Variants in CCSER1 observed in about 807,000 individuals in gnomAD.
CCSER1 encodes serine-rich coiled-coil domain-containing protein 1.
A neutral mutation model predicts 82.0 loss-of-function variants in CCSER1; 41 were observed. That is an observed-to-expected ratio of 0.50 (90% CI 0.39 to 0.65). CCSER1 has a LOEUF of 0.65. Among genes scored for constraint, CCSER1 ranks in the 30% least tolerant of loss-of-function variants. The pLI is 0.00. For missense variants in CCSER1, 1,119 were observed against 1,064.2 expected (o/e 1.05, Z -0.72); for synonymous variants, 414 against 383.9 (o/e 1.08, Z -0.92).
In CCSER1 at chr4:91,511,076, T is replaced by C. The variant is rs189643979; in HGVS notation, c.2218-87496T>C. Among the ~76,000 whole-genome samples the C allele has an allele frequency of 8.9e-4, 135 of 152,262 alleles. 2 individuals are homozygous for C. The highest frequency in any genetic ancestry group is 7.9e-3 in the Admixed American group (121 of 15,270). Reference sequence around the variant, plus strand: ...GGTCAGTTACTGCAGCAATATTTATTGAATAGGGAGCCTTTCCACTTTGCT... The same window carrying C: ...GGTCAGTTACTGCAGCAATATTTATCGAATAGGGAGCCTTTCCACTTTGCT... On this transcript the variant is annotated intron_variant, in intron 10 of 10. Transcript: ENST00000509176.
intron 9 of CCSER1, among the ~76,000 whole-genome samples, chr4:90,944,260 C>T (rs1022320733): frequency 3.3e-5 from 5 of 151,050 alleles, no homozygotes; most frequent in African/African-American, 7.3e-5. Flanking sequence ...TGAAAAATAC[C>T]TAGTAGAATG....
intron 8 of CCSER1, among the ~76,000 whole-genome samples, chr4:90,871,266 G>A (rs1271055442): frequency 6.6e-6 from 1 of 151,074 alleles, no homozygotes. Flanking sequence ...AAGATGTATT[G>A]TTAGCTTGTT....
intron 10 of CCSER1, among the ~76,000 whole-genome samples, chr4:91,358,705 G>A (rs192208672): frequency 5.2e-4 from 79 of 152,204 alleles, no homozygotes; most frequent in Admixed American, 1.7e-3. Flanking sequence ...TCAGATGTCC[G>A]GACTCCAAGT....
intron 7 of CCSER1, among the ~76,000 whole-genome samples, chr4:90,749,702 T>G (rs1016860777): frequency 1.8e-4 from 28 of 152,098 alleles, no homozygotes; most frequent in African/African-American, 6.8e-4. Context: ...TGTTGGACAT[T>G]TGGGTTGGTT....
chr4:90,999,229 A>G (rs2150470751), intron 9 of CCSER1, among the ~76,000 whole-genome samples: 1 of 152,226 alleles, frequency 6.6e-6, no homozygotes, highest in Admixed American at 6.5e-5. Flanking sequence ...CTATTTGTTT[A>G]CTTTTGGATA....
chr4:91,102,552 T>C (rs1462974318), intron 10 of CCSER1, among the ~76,000 whole-genome samples: 2 of 152,238 alleles, frequency 1.3e-5, no homozygotes, highest in East Asian at 3.8e-4. Context: ...TTTGAATCAA[T>C]ATGCATTTAG....
In CCSER1 at chr4:90,452,528, A is replaced by C. The variant is rs564367828; in HGVS notation, c.1604-15706A>C. ...CCAAGAGGCAGGCTGGCCATTCTTT[A>C]GCTGTCAAAACAAGCTCCTTCCTTA... On this transcript the variant is annotated intron_variant, in intron 4 of 10. Coordinates refer to ENST00000509176, the MANE Select transcript of CCSER1 (RefSeq NM_001145065.2). Among the ~76,000 whole-genome samples, 7 of 152,298 alleles carry C rather than the reference A, an allele frequency of 4.6e-5. No homozygotes were observed. The East Asian group carries it at 1.4e-3, about 30-fold the overall frequency.
chr4:90,530,340 G>T lies in CCSER1; in HGVS notation c.1724+61986G>T, dbSNP rs552227213. Among the ~76,000 whole-genome samples the T allele has an allele frequency of 9.7e-4, 147 of 152,226 alleles. 2 individuals carry two copies. Among genetic ancestry groups the T allele is most frequent in the African/African-American group, 3.4e-3 (143 of 41,528 alleles). On this transcript the variant is annotated intron_variant, in intron 5 of 10. Transcript: ENST00000509176. Reference sequence around the variant, plus strand: ...AACTGATATTGGTGGGCAAGGGGAGGCCAGTGGGACCTCTACCCCAGCTGG... The same window carrying T: ...AACTGATATTGGTGGGCAAGGGGAGTCCAGTGGGACCTCTACCCCAGCTGG...
At chr4:90,859,957 CAG>C (rs1162398325) in intron 8 of CCSER1, among the ~76,000 whole-genome samples, 1 of 151,462 alleles carries the variant, frequency 6.6e-6, no homozygotes, top group Non-Finnish European at 1.5e-5. Context: ...TTTTATCAAA[CAG>C]ATTTGAATTT....
At chr4:90,196,689 A>AC (rs1736692650) in intron 1 of CCSER1, among the ~76,000 whole-genome samples, 9 of 147,612 alleles carry the variant, frequency 6.1e-5, no homozygotes, top group South Asian at 2.1e-4. Flanking sequence ...ACACACACAC[A>AC]ATCTTAGCTC....
At chr4:91,569,253 C>T (rs1396494942) in intron 10 of CCSER1, among the ~76,000 whole-genome samples, 22 of 152,092 alleles carry the variant, frequency 1.4e-4, no homozygotes, top group Non-Finnish European at 3.2e-4. Flanking sequence ...TCTCATTGCT[C>T]TGAAAGTGTG....
intron 4 of CCSER1, among the ~76,000 whole-genome samples, chr4:90,430,474 T>C (rs573118436): frequency 6.6e-6 from 1 of 152,010 alleles, no homozygotes; most frequent in Admixed American, 6.6e-5. Context: ...CATATTGTCT[T>C]AGTACTCTTT....
At chr4:90,553,626 T>G (rs1777778681) in intron 5 of CCSER1, among the ~76,000 whole-genome samples, 1 of 152,202 alleles carries the variant, frequency 6.6e-6, no homozygotes, top group Admixed American at 6.5e-5. Flanking sequence ...CCAGGTTAAC[T>G]ACAAATGTGG....
intron 10 of CCSER1, among the ~76,000 whole-genome samples, chr4:91,155,198 C>T (rs766185307): frequency 8.6e-5 from 13 of 151,894 alleles, no homozygotes; most frequent in African/African-American, 1.7e-4. Context: ...ATAATCCCCA[C>T]GTTTCATGGG....
chr4:91,086,765 A>G (rs1371968745), intron 10 of CCSER1, among the ~76,000 whole-genome samples: 2 of 152,054 alleles, frequency 1.3e-5, no homozygotes, highest in Admixed American at 6.6e-5. Context: ...TTTCTTCCCT[A>G]TAGTGGTGCT....
intron 10 of CCSER1, among the ~76,000 whole-genome samples, chr4:91,221,047 G>T (rs1390840825): frequency 6.6e-6 from 1 of 152,042 alleles, no homozygotes; most frequent in African/African-American, 2.4e-5. Context: ...CTACCTTTAT[G>T]ATAATTTAGA....
At chr4:91,298,114 A>G (rs1744361116) in intron 10 of CCSER1, among the ~76,000 whole-genome samples, 1 of 152,064 alleles carries the variant, frequency 6.6e-6, no homozygotes, top group Admixed American at 6.6e-5. Context: ...AAAGAGTTTT[A>G]CTATTAACTG....
At chr4:91,098,949 C>T (rs1405940224) in intron 10 of CCSER1, among the ~76,000 whole-genome samples, 1 of 152,150 alleles carries the variant, frequency 6.6e-6, no homozygotes, top group Non-Finnish European at 1.5e-5. Flanking sequence ...TAGCAAAAAT[C>T]ATTAAGCACT....
At chr4:91,423,880 T>C (rs553160685) in intron 10 of CCSER1, among the ~76,000 whole-genome samples, 4 of 151,546 alleles carry the variant, frequency 2.6e-5, no homozygotes, top group Admixed American at 6.6e-5. Flanking sequence ...AGAAATGTCA[T>C]ATATAAGAGA....
Sources: allele counts gnomAD v4.1 joint callset (sites outside exome capture counted in the v4.1 genomes callset), GRCh38; gene constraint gnomAD v4.1.1; transcripts MANE v1.5; gene names NCBI Gene and HGNC (gene_info 2026-07-23, HGNC 2026-07-21).